Variants in BMPR1B observed in about 807,000 individuals in gnomAD.
The protein encoded by BMPR1B is bone morphogenetic protein receptor type 1B.
BMPR1B carries 12 observed loss-of-function variants against 59.1 expected under a neutral mutation model. The ratio of observed to expected loss-of-function variants is 0.20; its 90% CI spans 0.13 to 0.33. The LOEUF is 0.33. Among genes scored for constraint, BMPR1B ranks in the 10% least tolerant of loss-of-function variants. BMPR1B has a pLI of 1.00. For synonymous variants in BMPR1B, 237 were observed against 207.3 expected, an observed-to-expected ratio of 1.14 and a Z score of -1.23; for missense variants, 550 against 610.9, an observed-to-expected ratio of 0.90 and a Z score of 1.05.
At chr4:94,852,370 A>G (rs1375450899) in intron 1 of BMPR1B, among the ~76,000 whole-genome samples, 2 of 152,162 alleles carry the variant, frequency 1.3e-5, no homozygotes, top group South Asian at 2.1e-4. Flanking sequence ...GGACATTACT[A>G]TGTCTAATTT....
intron 9 of BMPR1B, among the ~76,000 whole-genome samples, chr4:95,130,723 C>CTTTTTTTTT (rs148720302): frequency 8.5e-4 from 66 of 77,892 alleles, no homozygotes; most frequent in African/African-American, 1.8e-3. Context: ...CTTTTCTTTT[C>CTTTTTTTTT]TTTTTTTTTT....
chr4:95,095,287 CAG>C (rs1470982620), intron 3 of BMPR1B, among the ~76,000 whole-genome samples: 1 of 152,000 alleles, frequency 6.6e-6, no homozygotes, highest in Non-Finnish European at 1.5e-5. Flanking sequence ...AAGCTCTAAT[CAG>C]AGTTTTATTC....
At chr4:94,960,580 A>G (rs1026570996) in intron 2 of BMPR1B, among the ~76,000 whole-genome samples, 1 of 152,164 alleles carries the variant, frequency 6.6e-6, no homozygotes, top group Non-Finnish European at 1.5e-5. Flanking sequence ...AGAAAACCAA[A>G]TATCTTGGAG....
Position 95,131,201 on chromosome 4 carries a change from T to C in BMPR1B, c.779-14T>C, listed in dbSNP as rs574255323. The C allele has an allele frequency of 1.2e-6, 2 of 1,611,142 alleles. No individual in the cohort carries two copies. The highest frequency in any genetic ancestry group is 1.3e-5 in the African/African-American group (1 of 74,988). On this transcript the variant is annotated splice_polypyrimidine_tract_variant and intron_variant, in intron 9 of 12. Transcript: ENST00000515059. ...TTGGAAAACACTAAACCTTTTCATC[T>C]TTTTTCCTTTTAGGTTTCATTGCTG...
intron 10 of BMPR1B, among the ~76,000 whole-genome samples, chr4:95,135,617 T>C (rs549582177): frequency 1.3e-5 from 2 of 152,320 alleles, no homozygotes; most frequent in Non-Finnish European, 2.9e-5. Flanking sequence ...TTATTCTCTT[T>C]GAAGCAATTG....
At position 94,873,145 on chromosome 4, in the gene BMPR1B, C is replaced by T. The variant is rs1053101641; in HGVS notation, c.-182-2686C>T. Among the ~76,000 whole-genome samples, 5 of 152,140 alleles carry T rather than the reference C, an allele frequency of 3.3e-5. No individual in the cohort carries two copies. The East Asian group carries it at 9.7e-4, about 29-fold the overall frequency. The stretch of plus-strand genomic sequence containing the variant: ...ACAGGTGTCTGACTACTTCCTCTCA[C>T]CTCCGGTCCATATGGCCAGAGCTTT... On this transcript the variant is annotated intron_variant, in intron 1 of 12. Transcript: ENST00000515059.
intron 1 of BMPR1B, among the ~76,000 whole-genome samples, chr4:94,835,700 T>C (rs17428585): frequency 0.12 from 18,409 of 152,244 alleles, 1,175 homozygotes; most frequent in Non-Finnish European, 0.13. Flanking sequence ...TTTCTAAGAC[T>C]ACACTAATTT....
intron 2 of BMPR1B, among the ~76,000 whole-genome samples, chr4:94,976,652 AG>A (rs1456834562): frequency 6.6e-6 from 1 of 152,230 alleles, no homozygotes; most frequent in Non-Finnish European, 1.5e-5. Flanking sequence ...CTTTGAATTA[AG>A]GTTCTTTGGA....
intron 1 of BMPR1B, among the ~76,000 whole-genome samples, chr4:94,763,230 A>G (rs989115370): frequency 2.0e-5 from 3 of 152,228 alleles, no homozygotes; most frequent in African/African-American, 7.2e-5. Context: ...TCCTCTAATT[A>G]GGTCTGAGTG....
intron 3 of BMPR1B, among the ~76,000 whole-genome samples, chr4:95,044,896 AGTTTTT>A (rs1725926785): frequency 6.6e-6 from 1 of 152,114 alleles, no homozygotes; most frequent in Non-Finnish European, 1.5e-5. Flanking sequence ...ATAGTGGAGT[AGTTTTT>A]TATGATAGTA....
At chr4:95,052,717 C>G (rs184428537) in intron 3 of BMPR1B, among the ~76,000 whole-genome samples, 523 of 152,226 alleles carry the variant, frequency 3.4e-3, no homozygotes, top group Admixed American at 6.0e-3. Flanking sequence ...TGTTCTGTGG[C>G]TTGGCCCTAC....
At chr4:95,028,117 A>G (rs1255739996) in intron 3 of BMPR1B, among the ~76,000 whole-genome samples, 2 of 152,172 alleles carry the variant, frequency 1.3e-5, no homozygotes, top group Non-Finnish European at 2.9e-5. Context: ...CTGAGGGCTC[A>G]TGCTGGAATT....
chr4:95,026,631 A>G (rs1223432678), intron 3 of BMPR1B, among the ~76,000 whole-genome samples: 2 of 151,942 alleles, frequency 1.3e-5, no homozygotes, highest in Non-Finnish European at 2.9e-5. Context: ...TAAGGGTGCT[A>G]TAGTTGTTTG....
At chr4:95,047,058 A>G (rs142095927) in intron 3 of BMPR1B, among the ~76,000 whole-genome samples, 1 of 152,288 alleles carries the variant, frequency 6.6e-6, no homozygotes, top group African/African-American at 2.4e-5. Flanking sequence ...TTTTAAAATA[A>G]ACTTTTTATT....
chr4:94,951,375 C>T (rs911997487), intron 2 of BMPR1B, among the ~76,000 whole-genome samples: 2 of 152,102 alleles, frequency 1.3e-5, no homozygotes, highest in African/African-American at 4.8e-5. Flanking sequence ...ATGCTTCCAG[C>T]TTTTGCCCAT....
chr4:95,076,533 G>C (rs1445779872), intron 3 of BMPR1B, among the ~76,000 whole-genome samples: 6 of 151,982 alleles, frequency 3.9e-5, no homozygotes, highest in African/African-American at 1.4e-4. Flanking sequence ...ACTGTTCTAG[G>C]TACTAAAAGC....
chr4:94,942,390 C>G (rs1236491172), intron 2 of BMPR1B, among the ~76,000 whole-genome samples: 3 of 152,112 alleles, frequency 2.0e-5, no homozygotes, highest in African/African-American at 7.2e-5. Context: ...TCGTAAATGA[C>G]TGAGAACATG....
chr4:95,118,490 C>T (rs932596977), intron 6 of BMPR1B, among the ~76,000 whole-genome samples: 15 of 152,110 alleles, frequency 9.9e-5, no homozygotes, highest in Non-Finnish European at 1.5e-4. Context: ...AGCTAATTAT[C>T]GGAGAGGTGA....
chr4:94,974,442 C>G (rs1030761481), intron 2 of BMPR1B, among the ~76,000 whole-genome samples: 1 of 152,116 alleles, frequency 6.6e-6, no homozygotes, highest in African/African-American at 2.4e-5. Flanking sequence ...TTTCAGGACT[C>G]CTCATGTATC....
Sources: gnomAD v4.1 joint callset for allele counts (sites outside exome capture counted in the v4.1 genomes callset) on GRCh38, gnomAD v4.1.1 for gene constraint, MANE v1.5 for transcripts, NCBI Gene and HGNC (gene_info 2026-07-23, HGNC 2026-07-21) for gene names.